SERGEF: variants seen among roughly 807,000 people sequenced by gnomAD.
The protein encoded by SERGEF is secretion-regulating guanine nucleotide exchange factor.
In SERGEF, 51 loss-of-function variants were observed where a neutral mutation model predicts 50.0. The observed-to-expected ratio is 1.02, with a 90% CI of 0.81 to 1.29. The LOEUF (loss-of-function observed/expected upper bound fraction) is 1.29, where lower values mean the gene tolerates loss of function less well. Among genes scored for constraint, SERGEF ranks in the 50% most tolerant of loss-of-function variants. The probability of loss-of-function intolerance (pLI) is 0.00; values close to 1 mark genes in which losing one functional copy is unlikely to be tolerated. For synonymous variants in SERGEF, 205 were observed against 212.4 expected (o/e 0.97, Z 0.30); for missense variants, 521 against 557.0 (o/e 0.94, Z 0.65).
intron 8 of SERGEF, among the ~76,000 whole-genome samples, chr11:17,977,606 G>A (rs749110985): frequency 4.6e-5 from 7 of 152,172 alleles, no homozygotes; most frequent in Non-Finnish European, 1.0e-4. Flanking sequence ...AAAGCCTAAA[G>A]GGCTGCTACA....
chr11:17,900,016 G>A (rs1851720331), intron 9 of SERGEF, among the ~76,000 whole-genome samples: 7 of 151,974 alleles, frequency 4.6e-5, no homozygotes, highest in Admixed American at 4.6e-4. Context: ...CAATGTGCTG[G>A]CACTAGGGAT....
At chr11:17,918,022 G>A (rs1852080791) in intron 9 of SERGEF, among the ~76,000 whole-genome samples, 1 of 152,174 alleles carries the variant, frequency 6.6e-6, no homozygotes, top group South Asian at 2.1e-4. Context: ...CCTGTGGTAG[G>A]TATTTTTATT....
At chr11:17,853,230 C>T (rs1027883619) in intron 10 of SERGEF, among the ~76,000 whole-genome samples, 7 of 152,156 alleles carry the variant, frequency 4.6e-5, no homozygotes, top group South Asian at 2.1e-4. Context: ...CAGTGCTTGG[C>T]GCCAAGGCAA....
rs144274693 is a variant in SERGEF, at chr11:17,819,952, G to A, written c.1049-31539C>T. On this transcript the variant is annotated intron_variant, in intron 10 of 10. Coordinates refer to ENST00000265965, the MANE Select transcript of SERGEF (RefSeq NM_012139.4). Reference sequence around the variant, plus strand: ...CTCCCAGGCTCAAGCGATCCTCCCCGACAGCCTCCAGGGGAGCTGGGACTA... The same window carrying A: ...CTCCCAGGCTCAAGCGATCCTCCCCAACAGCCTCCAGGGGAGCTGGGACTA... Among the ~76,000 whole-genome samples, 14 of 152,104 alleles carry A rather than the reference G, an allele frequency of 9.2e-5. No homozygotes were observed. In the East Asian group the frequency reaches 2.3e-3, roughly 25 times the overall value.
intron 10 of SERGEF, chr11:17,854,038 A>G (rs929997767): frequency 4.0e-5 from 6 of 151,668 alleles, no homozygotes; most frequent in African/African-American, 1.5e-4. Context: ...AAAAAAAAAA[A>G]AAAGGACCAG....
intron 9 of SERGEF, among the ~76,000 whole-genome samples, chr11:17,878,881 A>G (rs1342428266): frequency 2.0e-5 from 3 of 152,198 alleles, no homozygotes; most frequent in Non-Finnish European, 4.4e-5. Context: ...TTAAAATCTC[A>G]AAGTATCTAC....
chr11:17,999,425 T>A (rs901995023), intron 5 of SERGEF: 1 of 284,872 alleles, frequency 3.5e-6, no homozygotes, highest in African/African-American at 2.2e-5. Flanking sequence ...AAAGTTGAAT[T>A]TTTTTTGAAG....
chr11:17,975,026 T>G (rs1182995502), intron 8 of SERGEF, among the ~76,000 whole-genome samples: 5 of 152,190 alleles, frequency 3.3e-5, no homozygotes. Context: ...AATGTAGGAA[T>G]GTGGCTGGGA....
intron 10 of SERGEF, among the ~76,000 whole-genome samples, chr11:17,859,918 C>T (rs368596377): frequency 1.3e-5 from 2 of 152,066 alleles, no homozygotes; most frequent in Non-Finnish European, 2.9e-5. Flanking sequence ...TCCTCTTTTC[C>T]GGGAAAGGTA....
intron 10 of SERGEF, among the ~76,000 whole-genome samples, chr11:17,805,380 C>T (rs140505922): frequency 3.9e-5 from 6 of 152,348 alleles, no homozygotes; most frequent in African/African-American, 1.4e-4. Flanking sequence ...TATACCCAGG[C>T]TGTAATTCTA....
intron 9 of SERGEF, among the ~76,000 whole-genome samples, chr11:17,887,650 T>G (rs1019280919): frequency 2.6e-5 from 4 of 152,218 alleles, no homozygotes; most frequent in African/African-American, 9.7e-5. Flanking sequence ...GGAAAAACTG[T>G]CTGGCAGTAT....
At chr11:17,797,726 A>G (rs1357599803) in intron 10 of SERGEF, among the ~76,000 whole-genome samples, 1 of 152,216 alleles carries the variant, frequency 6.6e-6, no homozygotes, top group Non-Finnish European at 1.5e-5. Flanking sequence ...TGTGTGAATG[A>G]AAGGACAAAT....
At chr11:17,886,708 T>C (rs1437088131) in intron 9 of SERGEF, among the ~76,000 whole-genome samples, 1 of 152,190 alleles carries the variant, frequency 6.6e-6, no homozygotes, top group East Asian at 1.9e-4. Context: ...AGGAGAGGGC[T>C]TGAGAAATGT....
At chr11:17,932,208 A>G (rs1852366277) in intron 9 of SERGEF, among the ~76,000 whole-genome samples, 1 of 152,188 alleles carries the variant, frequency 6.6e-6, no homozygotes, top group South Asian at 2.1e-4. Context: ...CTAATGCAAC[A>G]GGGAATGTCT....
At chr11:17,930,726 C>A (rs1465719182) in intron 9 of SERGEF, among the ~76,000 whole-genome samples, 1 of 152,122 alleles carries the variant, frequency 6.6e-6, no homozygotes, top group Non-Finnish European at 1.5e-5. Flanking sequence ...GGTTCAAGTC[C>A]AAACTCTGCC....
intron 7 of SERGEF, among the ~76,000 whole-genome samples, chr11:17,990,099 C>T (rs1853683302): frequency 6.6e-6 from 1 of 152,202 alleles, no homozygotes; most frequent in South Asian, 2.1e-4. Context: ...TTTGTAGCTT[C>T]CCAATAAAAC....
intron 4 of SERGEF, among the ~76,000 whole-genome samples, chr11:18,001,423 C>T (rs1179033295): frequency 6.6e-6 from 1 of 152,212 alleles, no homozygotes; most frequent in African/African-American, 2.4e-5. Context: ...CCCTCTCTCT[C>T]TCATCACTCC....
chr11:17,960,522 T>C, intron 8 of SERGEF, among the ~76,000 whole-genome samples: 1 of 152,234 alleles, frequency 6.6e-6, no homozygotes, highest in East Asian at 1.9e-4. Context: ...GTTGTATAAA[T>C]TCTTTATACA....
chr11:17,842,769 T>C (rs1850528581), intron 10 of SERGEF, among the ~76,000 whole-genome samples: 1 of 152,184 alleles, frequency 6.6e-6, no homozygotes, highest in Non-Finnish European at 1.5e-5. Flanking sequence ...TGGGGAGTGA[T>C]AAGCACTTAC....
Sources: allele counts gnomAD v4.1 joint callset (sites outside exome capture counted in the v4.1 genomes callset), GRCh38; gene constraint gnomAD v4.1.1; transcripts MANE v1.5; gene names NCBI Gene and HGNC (gene_info 2026-07-23, HGNC 2026-07-21).